The following PTPRD variants were observed in gnomAD, a reference collection of about 807,000 sequenced individuals.
PTPRD encodes protein tyrosine phosphatase receptor type D.
Under a neutral mutation model 214.5 loss-of-function variants are expected in PTPRD, and 34 were observed. The ratio of observed to expected loss-of-function variants is 0.16; its 90% confidence interval spans 0.12 to 0.21. The LOEUF (loss-of-function observed/expected upper bound fraction) is 0.21. Among genes scored for constraint, PTPRD ranks in the 10% least tolerant of loss-of-function variants. The pLI, the probability that PTPRD is intolerant of heterozygous loss-of-function variation, is 1.00. For missense variants in PTPRD, 2,545 were observed against 2,398.7 expected (o/e 1.06, Z -1.27); for synonymous variants, 1,128 against 845.7 (o/e 1.33, Z -5.79).
At chr9:10,485,344 G>T (rs2099125723) in intron 2 of PTPRD, among the ~76,000 whole-genome samples, 1 of 151,956 alleles carries the variant, frequency 6.6e-6, no homozygotes, top group African/African-American at 2.4e-5. Context: ...AGACTATTCT[G>T]AGTCTTTTGT....
chr9:9,032,039 C>A, intron 10 of PTPRD, among the ~76,000 whole-genome samples: 1 of 151,596 alleles, frequency 6.6e-6, no homozygotes, highest in Non-Finnish European at 1.5e-5. Context: ...TTATAAAAAG[C>A]TTTTTTTCCA....
chr9:9,234,829 C>T (rs2134014160), intron 9 of PTPRD, among the ~76,000 whole-genome samples: 1 of 152,304 alleles, frequency 6.6e-6, no homozygotes, highest in Middle Eastern at 3.4e-3. Flanking sequence ...AAAAGCCATT[C>T]AACAAGTCTC....
At chr9:9,446,969 C>T (rs2090623905) in intron 8 of PTPRD, among the ~76,000 whole-genome samples, 1 of 152,146 alleles carries the variant, frequency 6.6e-6, no homozygotes, top group South Asian at 2.1e-4. Context: ...AATGAGGTAA[C>T]ATCTCACACC....
At chr9:8,998,789 G>C (rs1336405335) in intron 11 of PTPRD, among the ~76,000 whole-genome samples, 1 of 151,732 alleles carries the variant, frequency 6.6e-6, no homozygotes, top group African/African-American at 2.4e-5. Flanking sequence ...GAACATTTGG[G>C]ATTCATGGGT....
At chr9:8,977,732 TTAGAGA>T (rs1434706804) in intron 11 of PTPRD, among the ~76,000 whole-genome samples, 1 of 150,834 alleles carries the variant, frequency 6.6e-6, no homozygotes, top group Non-Finnish European at 1.5e-5. Flanking sequence ...GGTACACAAC[TTAGAGA>T]TAGAAAGTGA....
In PTPRD at chr9:9,783,655, T is replaced by C. The variant is rs184838989; in HGVS notation, c.-367-16804A>G. On this transcript the variant is annotated intron_variant, in intron 5 of 45. Transcript: ENST00000381196. ...GTCATAATAAAGAGCACAAGAACGCTACTTTGTACCCCTTGTTGTCTCCTC... is the reference window on the plus strand; with the variant it reads ...GTCATAATAAAGAGCACAAGAACGCCACTTTGTACCCCTTGTTGTCTCCTC... 4.8e-3 allele frequency among the ~76,000 whole-genome samples: 726 copies of C among 152,162 alleles called. 2 individuals are homozygous for C. The highest frequency in any genetic ancestry group is 0.016 in the African/African-American group (650 of 41,548).
intron 2 of PTPRD, among the ~76,000 whole-genome samples, chr9:10,437,010 G>C (rs970125001): frequency 6.6e-6 from 1 of 151,798 alleles, no homozygotes; most frequent in African/African-American, 2.4e-5. Flanking sequence ...TTTGGAAGCA[G>C]TCCCTTAGCT....
At chr9:10,119,231 C>A (rs1245342811) in intron 3 of PTPRD, among the ~76,000 whole-genome samples, 1 of 151,614 alleles carries the variant, frequency 6.6e-6, no homozygotes, top group African/African-American at 2.4e-5. Flanking sequence ...TCAAACCCAA[C>A]AATAATCCTA....
intron 5 of PTPRD, among the ~76,000 whole-genome samples, chr9:9,929,435 C>T (rs913117552): frequency 6.6e-6 from 1 of 152,144 alleles, no homozygotes; most frequent in Non-Finnish European, 1.5e-5. Flanking sequence ...TACTCTGTCA[C>T]CAGGCTGAAG....
intron 7 of PTPRD, 48 bp from the exon 8 acceptor site, chr9:9,574,829 TTTAAA>T (rs2087858635): frequency 1.3e-5 from 2 of 152,140 alleles, no homozygotes; most frequent in African/African-American, 2.4e-5. Flanking sequence ...TAGTGTTCAA[TTTAAA>T]TTAAAGAACC....
chr9:9,380,237 C>A (rs2061822991), intron 9 of PTPRD, among the ~76,000 whole-genome samples: 1 of 152,092 alleles, frequency 6.6e-6, no homozygotes, highest in Non-Finnish European at 1.5e-5. Context: ...ACACTACTTT[C>A]ACTGCATCCC....
At chr9:10,459,163 C>T (rs7046911) in intron 2 of PTPRD, among the ~76,000 whole-genome samples, 19,547 of 152,096 alleles carry the variant, frequency 0.13, 1,657 homozygotes, top group Middle Eastern at 0.21. Context: ...GTTCTCTGTC[C>T]TTGTGCCAGT....
At chr9:10,374,814 A>T (rs1310348818) in intron 2 of PTPRD, among the ~76,000 whole-genome samples, 1 of 152,076 alleles carries the variant, frequency 6.6e-6, no homozygotes, top group African/African-American at 2.4e-5. Flanking sequence ...GGGGCGGTAT[A>T]TATGACTACT....
intron 8 of PTPRD, among the ~76,000 whole-genome samples, chr9:9,457,209 A>G (rs1588956016): frequency 6.6e-6 from 1 of 152,076 alleles, no homozygotes; most frequent in South Asian, 2.1e-4. Flanking sequence ...CTTGCTTATT[A>G]ACATGAAGTT....
chr9:8,913,385 A>G (rs1417008012), intron 11 of PTPRD, among the ~76,000 whole-genome samples: 1 of 152,128 alleles, frequency 6.6e-6, no homozygotes, highest in Non-Finnish European at 1.5e-5. Context: ...GGATATTCAC[A>G]AACATATCAA....
rs111931990 is a variant in PTPRD, at chr9:8,702,259, T to TAA, written c.64+31519_64+31520dup. Reference sequence around the variant, plus strand: ...TAAATAAGCATTTTAGTGTGTAAAGTAAAAAAAAAAAAAATGCTCTGAGTG... The same window carrying TAA: ...TAAATAAGCATTTTAGTGTGTAAAGTAAAAAAAAAAAAAAAATGCTCTGAGTG... On this transcript the variant is annotated intron_variant, in intron 12 of 45. Transcript: ENST00000381196. Among the ~76,000 whole-genome samples, 782 of 144,518 alleles carry TAA rather than the reference T, an allele frequency of 5.4e-3. 8 individuals are homozygous for TAA. Among genetic ancestry groups the TAA allele is most frequent in the African/African-American group, 0.016 (651 of 39,510 alleles). 94.8% of individuals were successfully genotyped at this position (144,518 alleles called of 152,430 possible).
chr9:8,418,584 A>G (rs1184915031), intron 35 of PTPRD, among the ~76,000 whole-genome samples: 4 of 147,318 alleles, frequency 2.7e-5, no homozygotes, highest in Admixed American at 2.0e-4. Flanking sequence ...TTTTTTTTGT[A>G]ATTTTAATCA....
intron 9 of PTPRD, among the ~76,000 whole-genome samples, chr9:9,362,250 G>T (rs552060172): frequency 1.3e-5 from 2 of 150,938 alleles, no homozygotes; most frequent in Non-Finnish European, 3.0e-5. Context: ...AAAAGCTTCC[G>T]TATTTATGAC....
chr9:10,170,020 G>A (rs768140597), intron 3 of PTPRD, among the ~76,000 whole-genome samples: 5 of 152,156 alleles, frequency 3.3e-5, no homozygotes, highest in Non-Finnish European at 7.4e-5. Flanking sequence ...ATCACAAAAT[G>A]CAAGTGAGAC....
Sources: allele counts gnomAD v4.1 joint callset (sites outside exome capture counted in the v4.1 genomes callset), GRCh38; gene constraint gnomAD v4.1.1; transcripts MANE v1.5; gene names NCBI Gene and HGNC (gene_info 2026-07-23, HGNC 2026-07-21).